Variants in TMEM163 observed in about 807,000 individuals in gnomAD.
TMEM163 encodes the protein transmembrane protein 163.
TMEM163 carries 17 observed loss-of-function variants against 29.3 expected under a neutral mutation model. The ratio of observed to expected loss-of-function variants is 0.58; its 90% CI spans 0.40 to 0.87. The LOEUF (loss-of-function observed/expected upper bound fraction) is 0.87, where lower values mean the gene tolerates loss of function less well. Ranked by LOEUF, TMEM163 falls within the 40% of genes least tolerant of loss-of-function variation. The probability of loss-of-function intolerance (pLI) is 0.00; values close to 1 mark genes in which losing one functional copy is unlikely to be tolerated. For synonymous variants in TMEM163, 157 were observed against 160.6 expected, an observed-to-expected ratio of 0.98 and a Z score of 0.17; for missense variants, 303 against 381.5, an observed-to-expected ratio of 0.79 and a Z score of 1.71.
Position 134,463,454 on chromosome 2 carries a change from C to T in TMEM163, c.667+2660G>A, listed in dbSNP as rs115074455. ...CTCCCTACCCCAAATCCCAGGTCTGCCCCAGACAAGGAAGGCCATGCAGAT... is the reference window on the plus strand; with the variant it reads ...CTCCCTACCCCAAATCCCAGGTCTGTCCCAGACAAGGAAGGCCATGCAGAT... On this transcript the variant is annotated intron_variant, in intron 6 of 7. Coordinates refer to ENST00000281924, the MANE Select transcript of TMEM163 (RefSeq NM_030923.5). Among the ~76,000 whole-genome samples, 1,316 of 152,328 alleles carry T rather than the reference C, an allele frequency of 8.6e-3. 20 individuals are homozygous for T. Among genetic ancestry groups the T allele is most frequent in the African/African-American group, 0.03 (1,251 of 41,576 alleles).
intron 2 of TMEM163, among the ~76,000 whole-genome samples, chr2:134,642,004 T>C (rs955063023): frequency 6.6e-6 from 1 of 152,028 alleles, no homozygotes; most frequent in African/African-American, 2.4e-5. Context: ...TACATAACGG[T>C]GAAGGGTCGA....
intron 4 of TMEM163, among the ~76,000 whole-genome samples, chr2:134,520,138 A>C (rs1281980218): frequency 2.6e-5 from 4 of 152,188 alleles, no homozygotes; most frequent in African/African-American, 9.7e-5. Context: ...GGCCCTTATA[A>C]TAAGACAACC....
chr2:134,682,403 A>C (rs1028844602), intron 2 of TMEM163, among the ~76,000 whole-genome samples: 1 of 152,206 alleles, frequency 6.6e-6, no homozygotes, highest in African/African-American at 2.4e-5. Context: ...GCTGTGTCTC[A>C]GTCTGCTGAC....
At chr2:134,482,475 G>A (rs900182494) in intron 5 of TMEM163, among the ~76,000 whole-genome samples, 5 of 152,250 alleles carry the variant, frequency 3.3e-5, no homozygotes, top group Middle Eastern at 3.4e-3. Context: ...GCAAAAAGGC[G>A]TCCTCTGCCT....
rs1686967988 is a variant in TMEM163, at chr2:134,478,433, G to A, written c.556-12208C>T. On this transcript the variant is annotated intron_variant, in intron 5 of 7. Coordinates refer to ENST00000281924, the MANE Select transcript of TMEM163 (RefSeq NM_030923.5). ...TATGGGCAGTGAAGGCCAGGCTGAA[G>A]AGGTCTCAGATGGAAACAAGGAAGT... 2.6e-5 allele frequency among the ~76,000 whole-genome samples: 4 copies of A among 152,270 alleles called. No individual in the cohort carries two copies. In the South Asian group the frequency reaches 8.3e-4, roughly 32 times the overall value.
intron 2 of TMEM163, among the ~76,000 whole-genome samples, chr2:134,613,374 G>A (rs1682545922): frequency 6.6e-6 from 1 of 152,138 alleles, no homozygotes; most frequent in Non-Finnish European, 1.5e-5. Context: ...TCCAAAATTT[G>A]AGGAAAAGAA....
chr2:134,680,017 C>A (rs1370492640), intron 2 of TMEM163, among the ~76,000 whole-genome samples: 1 of 152,206 alleles, frequency 6.6e-6, no homozygotes, highest in Admixed American at 6.5e-5. Context: ...GGAATCCAGG[C>A]ATACAGAAGG....
intron 2 of TMEM163, among the ~76,000 whole-genome samples, chr2:134,645,514 A>G (rs557908227): frequency 4.6e-5 from 7 of 152,258 alleles, no homozygotes; most frequent in Non-Finnish European, 1.0e-4. Context: ...AAGAACCTGT[A>G]TGCAAGTATT....
chr2:134,630,664 G>A (rs1260394123), intron 2 of TMEM163, among the ~76,000 whole-genome samples: 1 of 152,128 alleles, frequency 6.6e-6, no homozygotes, highest in African/African-American at 2.4e-5. Flanking sequence ...GGCTGAACAG[G>A]GGTCTGACAG....
At chr2:134,499,940 A>AC (rs1271551735) in intron 5 of TMEM163, among the ~76,000 whole-genome samples, 1 of 152,188 alleles carries the variant, frequency 6.6e-6, no homozygotes, top group Non-Finnish European at 1.5e-5. Context: ...GCTTTATTTA[A>AC]CCTGCATGAA....
intron 6 of TMEM163, among the ~76,000 whole-genome samples, chr2:134,464,387 C>T (rs1222865756): frequency 6.6e-6 from 1 of 152,180 alleles, no homozygotes; most frequent in Non-Finnish European, 1.5e-5. Flanking sequence ...GAGTCAGAAT[C>T]TTCGGGGTGG....
intron 2 of TMEM163, among the ~76,000 whole-genome samples, chr2:134,706,433 C>T (rs1244036664): frequency 1.3e-5 from 2 of 152,114 alleles, no homozygotes; most frequent in African/African-American, 4.8e-5. Context: ...CTGAAGAAGA[C>T]GGGTCCTGGT....
intron 2 of TMEM163, among the ~76,000 whole-genome samples, chr2:134,581,129 C>T (rs1324044370): frequency 6.6e-6 from 1 of 152,180 alleles, no homozygotes; most frequent in Non-Finnish European, 1.5e-5. Context: ...GTCACAGACA[C>T]ATGGGGCAAA....
chr2:134,503,265 AG>A (rs1679740341), intron 4 of TMEM163, among the ~76,000 whole-genome samples: 1 of 152,228 alleles, frequency 6.6e-6, no homozygotes, highest in South Asian at 2.1e-4. Flanking sequence ...CTGTCATGGA[AG>A]GGTCTTCAAG....
intron 5 of TMEM163, chr2:134,468,213 G>A (rs964255465): frequency 6.6e-6 from 1 of 152,254 alleles, no homozygotes; most frequent in Admixed American, 6.5e-5. Context: ...GCCTCTGGGA[G>A]GTGATTAGGC....
At chr2:134,600,492 A>G (rs1480425334) in intron 2 of TMEM163, among the ~76,000 whole-genome samples, 1 of 152,220 alleles carries the variant, frequency 6.6e-6, no homozygotes, top group Admixed American at 6.5e-5. Flanking sequence ...TAAGAGTTTT[A>G]TCTACTTAGC....
chr2:134,650,004 TAA>T (rs1319130397), intron 2 of TMEM163, among the ~76,000 whole-genome samples: 13 of 97,562 alleles, frequency 1.3e-4, no homozygotes, highest in African/African-American at 2.1e-4. Context: ...GACCCTGTCT[TAA>T]AAAAAAAAAA....
chr2:134,490,103 G>A (rs532843165), intron 5 of TMEM163, among the ~76,000 whole-genome samples: 12 of 152,318 alleles, frequency 7.9e-5, no homozygotes, highest in Admixed American at 6.5e-4. Context: ...AGTCTCCTTT[G>A]AGAGACAAGT....
intron 2 of TMEM163, among the ~76,000 whole-genome samples, chr2:134,621,408 A>G (rs1046011844): frequency 6.6e-6 from 1 of 152,250 alleles, no homozygotes; most frequent in Admixed American, 6.5e-5. Context: ...TTTGGAAACC[A>G]GTTTGACAGT....
Sources: allele counts gnomAD v4.1 joint callset (sites outside exome capture counted in the v4.1 genomes callset), GRCh38; gene constraint gnomAD v4.1.1; transcripts MANE v1.5; gene names NCBI Gene and HGNC (gene_info 2026-07-23, HGNC 2026-07-21).